The following TBC1D1 variants were observed in gnomAD, a reference collection of about 807,000 sequenced individuals.
The protein encoded by TBC1D1 is TBC1 domain family member 1.
A neutral mutation model predicts 125.6 loss-of-function variants in TBC1D1; 89 were observed. The observed-to-expected ratio is 0.71, with a 90% CI of 0.60 to 0.85. The LOEUF (loss-of-function observed/expected upper bound fraction) is 0.85. Among genes scored for constraint, TBC1D1 ranks in the 40% least tolerant of loss-of-function variants. TBC1D1 has a pLI of 0.00. For missense variants in TBC1D1, 1,377 were observed against 1,469.2 expected (o/e 0.94, Z 1.03); for synonymous variants, 565 against 564.1 (o/e 1.00, Z -0.02).
chr4:37,961,189 C>A (rs1729971064), intron 2 of TBC1D1: 1 of 861,120 alleles, frequency 1.2e-6, no homozygotes, highest in Non-Finnish European at 1.8e-6. Context: ...TATATTTCTT[C>A]CATACTACAG....
intron 2 of TBC1D1, among the ~76,000 whole-genome samples, chr4:37,965,618 G>A (rs769368830): frequency 7.9e-5 from 12 of 152,164 alleles, no homozygotes; most frequent in Non-Finnish European, 1.2e-4. Context: ...ATTTGGAAAA[G>A]TTCCAGGAGC....
intron 2 of TBC1D1, among the ~76,000 whole-genome samples, chr4:37,921,109 CAA>C (rs1188232681): frequency 1.1e-4 from 8 of 71,992 alleles, no homozygotes; most frequent in East Asian, 7.2e-4. Context: ...GACTCCGTCT[CAA>C]AAAAAAAAAA....
At chr4:38,040,615 C>T (rs1578389448) in intron 8 of TBC1D1, among the ~76,000 whole-genome samples, 1 of 152,198 alleles carries the variant, frequency 6.6e-6, no homozygotes, top group African/African-American at 2.4e-5. Flanking sequence ...CAAAACAATT[C>T]AGCTTGCTTC....
chr4:37,913,281 C>A (rs1009123596), intron 2 of TBC1D1, among the ~76,000 whole-genome samples: 2 of 152,072 alleles, frequency 1.3e-5, no homozygotes, highest in Admixed American at 6.5e-5. Flanking sequence ...AAATTCCTAA[C>A]CTGATTTTGC....
chr4:38,128,496 T>A (rs16994246), intron 18 of TBC1D1, among the ~76,000 whole-genome samples: 5,970 of 152,226 alleles, frequency 0.039, 254 homozygotes, highest in African/African-American at 0.11. Flanking sequence ...TGGAGCATAC[T>A]GCCCTGTGTA....
At chr4:38,128,721 G>T (rs914508767) in intron 18 of TBC1D1, among the ~76,000 whole-genome samples, 47 of 152,172 alleles carry the variant, frequency 3.1e-4, no homozygotes, top group African/African-American at 1.1e-3. Flanking sequence ...AATTCCAAAG[G>T]TGACAGAGCC....
At chr4:37,947,048 G>T (rs938709538) in intron 2 of TBC1D1, among the ~76,000 whole-genome samples, 1 of 152,104 alleles carries the variant, frequency 6.6e-6, no homozygotes, top group African/African-American at 2.4e-5. Context: ...CATAGCACTG[G>T]GGAAGATCTC....
chr4:37,922,497 T>G (rs79838102), intron 2 of TBC1D1, among the ~76,000 whole-genome samples: 2,227 of 152,302 alleles, frequency 0.015, 19 homozygotes, highest in Middle Eastern at 0.065. Flanking sequence ...GCCTGTGCCT[T>G]TAAGCCGTCC....
chr4:38,035,043 A>G (rs1746940261), intron 7 of TBC1D1, among the ~76,000 whole-genome samples: 1 of 152,232 alleles, frequency 6.6e-6, no homozygotes, highest in African/African-American at 2.4e-5. Flanking sequence ...ACCCTGTCTA[A>G]AAGTTAAAAG....
intron 6 of TBC1D1, among the ~76,000 whole-genome samples, chr4:38,024,727 A>G (rs924725199): frequency 1.4e-4 from 21 of 152,204 alleles, no homozygotes; most frequent in Admixed American, 6.5e-4. Flanking sequence ...TGTATTCCTA[A>G]TAAGTAGAAT....
intron 6 of TBC1D1, among the ~76,000 whole-genome samples, chr4:38,025,877 G>T (rs368686405): frequency 6.6e-6 from 1 of 152,128 alleles, no homozygotes; most frequent in Non-Finnish European, 1.5e-5. Context: ...TGACAAAGGC[G>T]CCATCCTTCC....
rs557902412 is a variant in TBC1D1, at chr4:38,002,594, T to C, written c.418-11915T>C. Among the ~76,000 whole-genome samples the C allele has an allele frequency of 3.3e-5, 5 of 152,374 alleles. No individual in the cohort carries two copies. In the East Asian group the frequency reaches 9.6e-4, roughly 29 times the overall value. ...ATCATTTATACATTGAGCAGACTTATTGAATACTTGCAGTATGCCAGACAG... is the reference window on the plus strand; with the variant it reads ...ATCATTTATACATTGAGCAGACTTACTGAATACTTGCAGTATGCCAGACAG... On this transcript the variant is annotated intron_variant, in intron 2 of 19. Transcript: ENST00000261439.
At chr4:37,971,459 T>C (rs1324874946) in intron 2 of TBC1D1, among the ~76,000 whole-genome samples, 2 of 151,992 alleles carry the variant, frequency 1.3e-5, no homozygotes, top group South Asian at 2.1e-4. Flanking sequence ...AACCATCAGA[T>C]CTCATGAGAC....
chr4:37,897,978 G>C (rs1168758297), intron 1 of TBC1D1, among the ~76,000 whole-genome samples: 1 of 152,196 alleles, frequency 6.6e-6, no homozygotes, highest in Non-Finnish European at 1.5e-5. Context: ...TGAAATGCCT[G>C]AGCTGTAAAT....
At position 37,995,843 on chromosome 4, in the gene TBC1D1, T is replaced by C; in HGVS notation, c.418-18666T>C. 1.7e-6 allele frequency: 1 copy of C among 571,770 alleles called. No homozygotes were observed. 35.4% of individuals were successfully genotyped at this position (571,770 alleles called of 1,614,324 possible). ...TCTTGGGGATCAGGTGCTGGATCCA[T>C]GTGATCACCAGAATGCATTTCTCTT... On this transcript the variant is annotated intron_variant, in intron 2 of 19. Coordinates refer to ENST00000261439, the MANE Select transcript of TBC1D1 (RefSeq NM_015173.4). The surrounding 1 kb of genome is among the most constrained non-coding windows in gnomAD (Gnocchi z 4.3).
chr4:38,022,700 A>G (rs1321847465), intron 6 of TBC1D1, among the ~76,000 whole-genome samples: 1 of 152,146 alleles, frequency 6.6e-6, no homozygotes, highest in Non-Finnish European at 1.5e-5. Flanking sequence ...CTGTGACTGC[A>G]GGGAGGGGCC....
chr4:38,101,478 T>C (rs1291398536), intron 14 of TBC1D1, among the ~76,000 whole-genome samples: 2 of 152,262 alleles, frequency 1.3e-5, no homozygotes, highest in African/African-American at 2.4e-5. Context: ...CATCCTTGAC[T>C]TTAAGAGAAT....
chr4:38,076,219 G>A (rs552768846), intron 12 of TBC1D1, among the ~76,000 whole-genome samples: 4 of 152,278 alleles, frequency 2.6e-5, no homozygotes, highest in Admixed American at 6.5e-5. Flanking sequence ...GAGAAGTGCC[G>A]AGCAAAAGGG....
At chr4:38,011,122 C>T (rs1370019494) in intron 2 of TBC1D1, among the ~76,000 whole-genome samples, 2 of 152,050 alleles carry the variant, frequency 1.3e-5, no homozygotes, top group Admixed American at 1.3e-4. Context: ...GAGGCCGAGG[C>T]GGGTGGATCA....
Sources: allele counts gnomAD v4.1 joint callset (sites outside exome capture counted in the v4.1 genomes callset), GRCh38; gene constraint gnomAD v4.1.1; non-coding constraint Gnocchi (gnomAD v3.1); transcripts MANE v1.5; gene names NCBI Gene and HGNC (gene_info 2026-07-23, HGNC 2026-07-21).